MITF: variants seen among roughly 807,000 people sequenced by gnomAD.
MITF encodes microphthalmia-associated transcription factor.
A neutral mutation model predicts 60.5 loss-of-function variants in MITF; 17 were observed. That is an observed-to-expected ratio of 0.28 (90% confidence interval 0.19 to 0.42). The LOEUF (loss-of-function observed/expected upper bound fraction) is 0.42, where lower values mean the gene tolerates loss of function less well. MITF is among the 10% of genes least tolerant of loss of function. The pLI is 1.00. For synonymous variants in MITF, 260 were observed against 248.5 expected (o/e 1.05, Z -0.43); for missense variants, 622 against 683.5 (o/e 0.91, Z 1.00).
At chr3:69,838,545 G>A (rs2063575600) in intron 1 of MITF, 1 of 152,626 alleles carries the variant, frequency 6.6e-6, no homozygotes, top group South Asian at 2.1e-4. Flanking sequence ...ATTAAACCCT[G>A]TGCGTTTCTG....
chr3:69,837,951 T>A (rs1411421348), intron 1 of MITF, among the ~76,000 whole-genome samples: 1 of 152,202 alleles, frequency 6.6e-6, no homozygotes, highest in Non-Finnish European at 1.5e-5. Context: ...GTATACACAC[T>A]TGCATAATAT....
At chr3:69,803,381 C>T (rs1405286062) in intron 1 of MITF, among the ~76,000 whole-genome samples, 3 of 152,070 alleles carry the variant, frequency 2.0e-5, no homozygotes, top group Non-Finnish European at 4.4e-5. Context: ...AAGTAAAAAT[C>T]CTTTCAGAAA....
At chr3:69,854,563 G>C (rs1488495054) in intron 1 of MITF, among the ~76,000 whole-genome samples, 2 of 152,004 alleles carry the variant, frequency 1.3e-5, no homozygotes, top group African/African-American at 2.4e-5. Flanking sequence ...TAATATTATT[G>C]ATCCATGGTT....
Position 69,965,469 on chromosome 3 carries a change from A to G in MITF, c.*221A>G, listed in dbSNP as rs879006717. 60 of 503,834 alleles carry G rather than the reference A, an allele frequency of 1.2e-4. 3 individuals carry two copies. The South Asian group carries it at 1.4e-3, about 12-fold the overall frequency. The allele number at this position is 503,834 out of a possible 1,614,324, so 31.2% of individuals were successfully genotyped here. A position where few individuals can be genotyped will look rare whatever the true frequency, so the allele number is the denominator to read the frequency against. On this transcript the variant is annotated 3_prime_UTR_variant, in exon 10 of 10. Coordinates refer to ENST00000352241, the MANE Select transcript of MITF (RefSeq NM_001354604.2). ...AATGCCTCCAAAGTATTGTACAAAT[A>G]AGTGTGCAGTATCTGTGAACTGAAT... is the stretch of plus-strand genomic sequence containing the variant.
intron 1 of MITF, among the ~76,000 whole-genome samples, chr3:69,820,901 C>T (rs2063259024): frequency 6.7e-6 from 1 of 148,418 alleles, no homozygotes. Context: ...TAAAATGTCT[C>T]AGCATTTACT....
At chr3:69,777,422 A>G (rs1346595249) in intron 1 of MITF, among the ~76,000 whole-genome samples, 1 of 152,198 alleles carries the variant, frequency 6.6e-6, no homozygotes, top group East Asian at 1.9e-4. Flanking sequence ...GTTTTGCAAT[A>G]TATCTTTAAG....
At chr3:69,785,971 A>G (rs2062642052) in intron 1 of MITF, among the ~76,000 whole-genome samples, 1 of 152,216 alleles carries the variant, frequency 6.6e-6, no homozygotes, top group African/African-American at 2.4e-5. Flanking sequence ...ATAATGCCAT[A>G]TAGGGCTTAA....
At chr3:69,833,183 T>G (rs2063480080) in intron 1 of MITF, among the ~76,000 whole-genome samples, 1 of 151,230 alleles carries the variant, frequency 6.6e-6, no homozygotes, top group African/African-American at 2.4e-5. Flanking sequence ...CTATTTACAT[T>G]ATATGTGATT....
chr3:69,740,814 G>A (rs1703501850), intron 1 of MITF, among the ~76,000 whole-genome samples: 1 of 152,198 alleles, frequency 6.6e-6, no homozygotes, highest in Non-Finnish European at 1.5e-5. Flanking sequence ...CGCTGTGGAT[G>A]GGGCCTGGGT....
At chr3:69,784,641 T>C (rs1440081192) in intron 1 of MITF, among the ~76,000 whole-genome samples, 2 of 152,086 alleles carry the variant, frequency 1.3e-5, no homozygotes, top group Non-Finnish European at 2.9e-5. Context: ...AATTACTTTT[T>C]TGAGGAAGCT....
chr3:69,957,938 TGGGGTCTCAGCCCG>T (rs2066440799), intron 8 of MITF, among the ~76,000 whole-genome samples: 1 of 152,230 alleles, frequency 6.6e-6, no homozygotes, highest in African/African-American at 2.4e-5. Context: ...TCTTACAGAC[TGGGGTCTCAGCCCG>T]GTACCTTTTC....
At chr3:69,958,739 A>G (rs951539176) in intron 8 of MITF, among the ~76,000 whole-genome samples, 5 of 152,100 alleles carry the variant, frequency 3.3e-5, no homozygotes, top group Admixed American at 2.6e-4. Flanking sequence ...CTTTGTAATC[A>G]ACAGACCTAA....
intron 1 of MITF, among the ~76,000 whole-genome samples, chr3:69,855,135 A>C (rs9836115): frequency 6.6e-6 from 1 of 151,486 alleles, no homozygotes; most frequent in Non-Finnish European, 1.5e-5. Flanking sequence ...CATGGTCTAC[A>C]TTCTGCCTAC....
intron 1 of MITF, among the ~76,000 whole-genome samples, chr3:69,830,379 C>T (rs991178329): frequency 2.0e-5 from 3 of 152,166 alleles, no homozygotes; most frequent in Non-Finnish European, 4.4e-5. Flanking sequence ...CTACCACGCA[C>T]AGAGCTCATT....
At chr3:69,839,531 C>T (rs62252230) in intron 1 of MITF, among the ~76,000 whole-genome samples, 24,950 of 151,432 alleles carry the variant, frequency 0.16, 2,179 homozygotes, top group Non-Finnish European at 0.21. Flanking sequence ...GGAATTTTGA[C>T]GTGCTCTTTC....
chr3:69,967,379 A>G lies in MITF; in HGVS notation c.*2131A>G, dbSNP rs2066715094. On this transcript the variant is annotated 3_prime_UTR_variant, in exon 10 of 10. Coordinates refer to ENST00000352241, the MANE Select transcript of MITF (RefSeq NM_001354604.2). ...CATTGATACAATCATAGCATTGTCT[A>G]TTTTTCTCTTCATATTTATATGGGG... 4 of 232,730 alleles carry G rather than the reference A, an allele frequency of 1.7e-5. No individual in the cohort carries two copies. The highest frequency in any genetic ancestry group is 5.6e-5 in the Admixed American group (1 of 17,742). 14.4% of individuals were successfully genotyped at this position (232,730 alleles called of 1,614,324 possible).
chr3:69,906,216 T>C (rs2065095759), intron 2 of MITF, among the ~76,000 whole-genome samples: 1 of 152,166 alleles, frequency 6.6e-6, no homozygotes, highest in South Asian at 2.1e-4. Flanking sequence ...GAAAAAACTA[T>C]CCTTTTTCCC....
At chr3:69,750,785 G>A (rs1210916757) in intron 1 of MITF, among the ~76,000 whole-genome samples, 1 of 152,140 alleles carries the variant, frequency 6.6e-6, no homozygotes, top group Non-Finnish European at 1.5e-5. Flanking sequence ...TAAGGTGGTG[G>A]TGATGGTGTT....
chr3:69,845,323 G>A (rs2063710596), intron 1 of MITF, among the ~76,000 whole-genome samples: 1 of 151,664 alleles, frequency 6.6e-6, no homozygotes. Context: ...TTTTGGCCTA[G>A]TAAATTTAAA....
Sources: allele counts gnomAD v4.1 joint callset (sites outside exome capture counted in the v4.1 genomes callset), GRCh38; gene constraint gnomAD v4.1.1; transcripts MANE v1.5; gene names NCBI Gene and HGNC (gene_info 2026-07-23, HGNC 2026-07-21).